The following COG5 variants were observed in gnomAD, a reference collection of about 807,000 sequenced individuals.
COG5 encodes component of oligomeric golgi complex 5, also known as conserved oligomeric Golgi complex subunit 5.
Under a neutral mutation model 110.4 loss-of-function variants are expected in COG5, and 86 were observed. The observed-to-expected ratio is 0.78, with a 90% CI of 0.65 to 0.93. COG5 has a LOEUF of 0.93. Among genes scored for constraint, COG5 ranks in the 40% least tolerant of loss-of-function variants. COG5 has a pLI of 0.00. For synonymous variants in COG5, 360 were observed against 334.6 expected (o/e 1.08, Z -0.83); for missense variants, 1,077 against 987.0 (o/e 1.09, Z -1.22).
At chr7:107,266,989 G>C (rs1421362619) in intron 14 of COG5, among the ~76,000 whole-genome samples, 1 of 152,104 alleles carries the variant, frequency 6.6e-6, no homozygotes, top group African/African-American at 2.4e-5. Context: ...CTTAACATCA[G>C]GCTAAATCTT....
In COG5 at chr7:107,211,198, A is replaced by G. The variant is rs981272997; in HGVS notation, c.2196T>C (p.His732=). ...FRPLLFQASE[H]VASSPALGDV... ...CCCCCAATGCAGGACTACTGGCTACATGTTCACTTGCCTGGAAGAGCAGAG... is the reference window on the plus strand; with the variant it reads ...CCCCCAATGCAGGACTACTGGCTACGTGTTCACTTGCCTGGAAGAGCAGAG... The change falls in exon 20 of 22, where the codon CAT becomes CAC. Residue 732 remains histidine, a synonymous_variant. Coordinates refer to ENST00000297135, the MANE Select transcript of COG5 (RefSeq NM_006348.5). 3 of 1,614,134 alleles carry G rather than the reference A, an allele frequency of 1.9e-6. No individual in the cohort carries two copies. The highest frequency in any genetic ancestry group is 2.5e-6 in the Non-Finnish European group (3 of 1,179,962).
At chr7:107,504,035 T>A (rs58218888) in intron 6 of COG5, among the ~76,000 whole-genome samples, 1,996 of 152,282 alleles carry the variant, frequency 0.013, 49 homozygotes, top group African/African-American at 0.045. Flanking sequence ...AGTACTATGT[T>A]GAATAGAAGT....
At chr7:107,415,200 G>A (rs907578818) in intron 6 of COG5, among the ~76,000 whole-genome samples, 2 of 152,176 alleles carry the variant, frequency 1.3e-5, no homozygotes, top group Admixed American at 1.3e-4. Context: ...GTATGAAATT[G>A]GGTTGGTGCT....
chr7:107,319,904 C>T (rs576252714), intron 11 of COG5, among the ~76,000 whole-genome samples: 6 of 152,100 alleles, frequency 3.9e-5, no homozygotes, highest in South Asian at 2.1e-4. Flanking sequence ...AAGGCTGTAG[C>T]GTGCAATGAC....
intron 7 of COG5, among the ~76,000 whole-genome samples, chr7:107,380,313 C>T (rs528949395): frequency 2.8e-4 from 43 of 151,866 alleles, no homozygotes; most frequent in Non-Finnish European, 4.7e-4. Context: ...TAACTAACAT[C>T]AGAGCAGAAC....
intron 1 of COG5, among the ~76,000 whole-genome samples, chr7:107,562,710 T>C (rs1000747556): frequency 6.6e-6 from 1 of 152,212 alleles, no homozygotes; most frequent in Non-Finnish European, 1.5e-5. Flanking sequence ...AAAACATCAT[T>C]GCTTTTGACA....
intron 18 of COG5, among the ~76,000 whole-genome samples, chr7:107,232,121 T>C (rs1471376071): frequency 6.6e-6 from 1 of 152,186 alleles, no homozygotes; most frequent in Non-Finnish European, 1.5e-5. Flanking sequence ...GGAAACCTTA[T>C]ATGGCTGGGA....
At chr7:107,205,871 G>A (rs1409110423) in intron 21 of COG5, among the ~76,000 whole-genome samples, 5 of 152,228 alleles carry the variant, frequency 3.3e-5, no homozygotes, top group African/African-American at 1.2e-4. Context: ...CCTGAAGGCT[G>A]GCTCCATGCT....
chr7:107,267,331 T>C (rs1388336081), intron 14 of COG5, among the ~76,000 whole-genome samples: 1 of 152,210 alleles, frequency 6.6e-6, no homozygotes, highest in East Asian at 1.9e-4. Flanking sequence ...TAATCAAATC[T>C]ATTATCCTCT....
intron 5 of COG5, among the ~76,000 whole-genome samples, chr7:107,547,122 T>C (rs1366269901): frequency 6.6e-6 from 1 of 152,126 alleles, no homozygotes; most frequent in African/African-American, 2.4e-5. Flanking sequence ...TGCAAAATCC[T>C]CAACAAAATA....
chr7:107,230,910 G>A (rs1201855907), intron 18 of COG5, among the ~76,000 whole-genome samples: 7 of 86,630 alleles, frequency 8.1e-5, no homozygotes, highest in Non-Finnish European at 1.0e-4. Flanking sequence ...ATTCCTTCAT[G>A]AAAATAAAAA....
intron 11 of COG5, among the ~76,000 whole-genome samples, chr7:107,323,101 A>G (rs1809445767): frequency 6.6e-6 from 1 of 152,256 alleles, no homozygotes; most frequent in Non-Finnish European, 1.5e-5. Context: ...TTTGTCAAAC[A>G]TCATAGAATT....
At chr7:107,365,562 G>T (rs924405181) in intron 8 of COG5, among the ~76,000 whole-genome samples, 8 of 122,426 alleles carry the variant, frequency 6.5e-5, no homozygotes, top group African/African-American at 2.2e-4. Flanking sequence ...TACAGATTAG[G>T]ACAGGCCAGG....
At chr7:107,399,157 G>A (rs184564668) in intron 7 of COG5, among the ~76,000 whole-genome samples, 12 of 152,168 alleles carry the variant, frequency 7.9e-5, no homozygotes, top group Admixed American at 2.6e-4. Flanking sequence ...AGTCGAGATC[G>A]TGCCACTGCA....
At chr7:107,254,987 G>A (rs1802775405) in intron 16 of COG5, among the ~76,000 whole-genome samples, 1 of 152,134 alleles carries the variant, frequency 6.6e-6, no homozygotes, top group Non-Finnish European at 1.5e-5. Context: ...ATTACTTTGT[G>A]AAACTTCTGT....
chr7:107,264,963 C>G (rs572197427), intron 14 of COG5, among the ~76,000 whole-genome samples: 1 of 151,528 alleles, frequency 6.6e-6, no homozygotes, highest in Non-Finnish European at 1.5e-5. Flanking sequence ...AAAAAAAAAG[C>G]AAAAATGTAA....
chr7:107,434,782 A>G (rs1042168607), intron 6 of COG5, among the ~76,000 whole-genome samples: 1 of 152,124 alleles, frequency 6.6e-6, no homozygotes, highest in Non-Finnish European at 1.5e-5. Context: ...CATCCTGGCT[A>G]ACACAGTGAA....
rs570185264 is a variant in COG5 at position 107,377,130 on chromosome 7, T to C, written c.670-4370A>G. Among the ~76,000 whole-genome samples, 29 of 152,246 alleles carry C rather than the reference T, an allele frequency of 1.9e-4. No individual in the cohort carries two copies. The South Asian group carries it at 5.4e-3, about 28-fold the overall frequency. On this transcript the variant is annotated intron_variant, in intron 7 of 21. Coordinates refer to ENST00000297135, the MANE Select transcript of COG5 (RefSeq NM_006348.5). The stretch of plus-strand genomic sequence containing the variant: ...CCTCTTTCTCAATTCTTGGATACAG[T>C]TTACATAACACTGGTTTATTTATTC...
intron 6 of COG5, among the ~76,000 whole-genome samples, chr7:107,478,250 T>C (rs552124907): frequency 2.6e-5 from 4 of 152,132 alleles, no homozygotes; most frequent in East Asian, 3.9e-4. Flanking sequence ...CAACTACTAC[T>C]GAACAAATGT....
Sources: allele counts gnomAD v4.1 joint callset (sites outside exome capture counted in the v4.1 genomes callset), GRCh38; gene constraint gnomAD v4.1.1; transcripts MANE v1.5; gene names NCBI Gene and HGNC (gene_info 2026-07-23, HGNC 2026-07-21).